Variants in EYS observed in about 807,000 individuals in gnomAD.
EYS encodes EGF-like photoreceptor maintenance factor, also known as protein eyes shut homolog.
In EYS, 250 loss-of-function variants were observed where a neutral mutation model predicts 282.1. The observed-to-expected ratio is 0.89, with a 90% CI of 0.80 to 0.98. EYS has a LOEUF of 0.98. EYS is among the 50% of genes least tolerant of loss of function. EYS has a pLI of 0.00. For missense variants in EYS, 4,016 were observed against 3,709.0 expected (o/e 1.08, Z -2.15); for synonymous variants, 1,355 against 1,282.9 (o/e 1.06, Z -1.20).
chr6:64,683,385 C>T (rs1562131449), intron 22 of EYS, among the ~76,000 whole-genome samples: 2 of 152,072 alleles, frequency 1.3e-5, no homozygotes, highest in Admixed American at 6.6e-5. Flanking sequence ...AGATGGGGAA[C>T]ATCCATGGAT....
intron 12 of EYS, among the ~76,000 whole-genome samples, chr6:65,099,249 A>T (rs1774824427): frequency 6.6e-6 from 1 of 150,692 alleles, no homozygotes; most frequent in African/African-American, 2.4e-5. Flanking sequence ...CTTTGAATAG[A>T]TCAAATGCCT....
chr6:64,298,351 T>TGG (rs35493279), intron 30 of EYS, among the ~76,000 whole-genome samples: 2 of 151,644 alleles, frequency 1.3e-5, no homozygotes, highest in African/African-American at 4.9e-5. Context: ...AATTACTAGT[T>TGG]GGGGGGGGCA....
At chr6:65,649,458 C>T (rs1343354874) in intron 1 of EYS, among the ~76,000 whole-genome samples, 1 of 151,952 alleles carries the variant, frequency 6.6e-6, no homozygotes, top group African/African-American at 2.4e-5. Flanking sequence ...TATAATGAAC[C>T]TTATTGTTTA....
intron 22 of EYS, among the ~76,000 whole-genome samples, chr6:64,654,427 T>C (rs1245214387): frequency 6.6e-6 from 1 of 152,142 alleles, no homozygotes; most frequent in Non-Finnish European, 1.5e-5. Flanking sequence ...TACAAAAATG[T>C]ATGGTTAGTC....
chr6:64,926,409 G>C (rs1028846528), intron 15 of EYS, among the ~76,000 whole-genome samples: 5 of 152,172 alleles, frequency 3.3e-5, no homozygotes, highest in African/African-American at 1.2e-4. Flanking sequence ...CCAGTTCTAG[G>C]AGAGCATGCA....
intron 12 of EYS, among the ~76,000 whole-genome samples, chr6:65,079,788 A>C (rs1014865223): frequency 6.6e-6 from 1 of 152,084 alleles, no homozygotes. Context: ...ATCTTCATAC[A>C]CATCTGCTTC....
chr6:65,410,646 T>A (rs1766953945), intron 5 of EYS, among the ~76,000 whole-genome samples: 1 of 151,300 alleles, frequency 6.6e-6, no homozygotes, highest in Admixed American at 6.6e-5. Context: ...ATCATGAAGT[T>A]TTTGCAGTTT....
intron 35 of EYS, among the ~76,000 whole-genome samples, chr6:63,905,329 C>CTTTTTTTTTTTT (rs377115720): frequency 1.7e-5 from 2 of 118,302 alleles, no homozygotes; most frequent in Non-Finnish European, 3.4e-5. Context: ...CTTTTTTTTT[C>CTTTTTTTTTTTT]TTTTTTTTTT....
intron 2 of EYS, among the ~76,000 whole-genome samples, chr6:65,603,312 A>G (rs764423868): frequency 6.6e-6 from 1 of 151,944 alleles, no homozygotes; most frequent in Non-Finnish European, 1.5e-5. Context: ...AACTATATTC[A>G]AAAACAAAAA....
chr6:63,762,664 A>G lies in EYS; in HGVS notation c.7899-31T>C. ...GGTTGAGAGAAAGCCGCATGGTTTG[A>G]GCACTTGTTTAGAGATGGATACATA... On this transcript the variant is annotated intron_variant, in intron 40 of 42. Coordinates refer to ENST00000503581, the MANE Select transcript of EYS (RefSeq NM_001142800.2). 3.2e-6 allele frequency: 5 copies of G among 1,545,224 alleles called. No individual in the cohort carries two copies. In the East Asian group the frequency reaches 1.2e-4, roughly 38 times the overall value.
At chr6:64,465,919 A>C (rs2150488644) in intron 26 of EYS, among the ~76,000 whole-genome samples, 1 of 152,254 alleles carries the variant, frequency 6.6e-6, no homozygotes, top group Non-Finnish European at 1.5e-5. Flanking sequence ...GAAAACAAAT[A>C]TTCCAACTCT....
At chr6:64,500,393 A>G (rs1015181796) in intron 26 of EYS, among the ~76,000 whole-genome samples, 1 of 152,108 alleles carries the variant, frequency 6.6e-6, no homozygotes, top group South Asian at 2.1e-4. Context: ...AGGAACAACA[A>G]TTTTATGTTT....
rs1408262984 is a variant in EYS, at chr6:63,886,796, A to AT, written c.7056-22439dup. On this transcript the variant is annotated intron_variant, in intron 35 of 42. Transcript: ENST00000503581. ...AAAGCATTAAATCAAATGCTATAAA[A>AT]TTGAGTGCTGACATTTTTCAAAAGT... Among the ~76,000 whole-genome samples the AT allele has an allele frequency of 2.0e-5, 3 of 152,194 alleles. No homozygotes were observed. The East Asian group carries it at 5.8e-4, about 29-fold the overall frequency.
chr6:65,547,836 G>A (rs1432189327), intron 2 of EYS, among the ~76,000 whole-genome samples: 2 of 152,142 alleles, frequency 1.3e-5, no homozygotes, highest in Non-Finnish European at 2.9e-5. Flanking sequence ...AGAAGGTCAA[G>A]AAATCTTCCT....
chr6:65,554,931 C>T (rs1768741198), intron 2 of EYS, among the ~76,000 whole-genome samples: 1 of 151,668 alleles, frequency 6.6e-6, no homozygotes, highest in Admixed American at 6.6e-5. Context: ...TTAATTTGCA[C>T]AATTATGCAT....
chr6:63,788,017 T>G, intron 39 of EYS, 88 bp downstream of exon 39: 1 of 995,644 alleles, frequency 1.0e-6, no homozygotes, highest in Non-Finnish European at 1.4e-6. Context: ...ATAGCTGGTT[T>G]GGGAAATAGA....
intron 9 of EYS, among the ~76,000 whole-genome samples, chr6:65,348,566 T>C (rs1332150037): frequency 6.6e-6 from 1 of 151,726 alleles, no homozygotes; most frequent in East Asian, 1.9e-4. Flanking sequence ...CTAAAAATCA[T>C]ATTATTATTT....
At chr6:65,600,409 C>T (rs148984606) in intron 2 of EYS, among the ~76,000 whole-genome samples, 158 of 152,096 alleles carry the variant, frequency 1.0e-3, no homozygotes, top group African/African-American at 3.7e-3. Flanking sequence ...ATATATGTAA[C>T]ATACCTCATG....
chr6:64,182,198 T>C (rs2150312085), intron 31 of EYS, among the ~76,000 whole-genome samples: 1 of 152,318 alleles, frequency 6.6e-6, no homozygotes, highest in South Asian at 2.1e-4. Flanking sequence ...AAGACTACTT[T>C]TAAACTTTTA....
Sources: gnomAD v4.1 joint callset for allele counts (sites outside exome capture counted in the v4.1 genomes callset) on GRCh38, gnomAD v4.1.1 for gene constraint, MANE v1.5 for transcripts, NCBI Gene and HGNC (gene_info 2026-07-23, HGNC 2026-07-21) for gene names.